Variants in PDK1 observed in about 807,000 individuals in gnomAD.
PDK1 encodes [Pyruvate dehydrogenase (acetyl-transferring)] kinase isozyme 1, mitochondrial.
Under a neutral mutation model 54.2 loss-of-function variants are expected in PDK1, and 39 were observed. The observed-to-expected ratio is 0.72, with a 90% CI of 0.56 to 0.94. The LOEUF is 0.94. Among genes scored for constraint, PDK1 ranks in the 40% least tolerant of loss-of-function variants. PDK1 has a pLI of 0.00. For missense variants in PDK1, 552 were observed against 566.0 expected, an observed-to-expected ratio of 0.98 and a Z score of 0.25; for synonymous variants, 221 against 207.1, an observed-to-expected ratio of 1.07 and a Z score of -0.58.
rs1688733273 is a variant in PDK1, at chr2:172,562,902, G to A, written c.410+611G>A. On this transcript the variant is annotated intron_variant, in intron 3 of 10. Coordinates refer to ENST00000282077, the MANE Select transcript of PDK1 (RefSeq NM_002610.5). The stretch of plus-strand genomic sequence containing the variant: ...CTTATTGCAGTGAAGGGTACTGAGA[G>A]TGTAATGACCATCTCTTGTCCTCAG... 4 of 1,049,494 alleles carry A rather than the reference G, an allele frequency of 3.8e-6. No homozygotes were observed. The East Asian group carries it at 1.0e-4, about 27-fold the overall frequency. The allele number at this position is 1,049,494 out of a possible 1,614,324, so 65.0% of individuals were successfully genotyped here. A position where few individuals can be genotyped will look rare whatever the true frequency, so the allele number is the denominator to read the frequency against.
chr2:172,673,580 G>A, the PDK1 span, among the ~76,000 whole-genome samples: 1 of 152,072 alleles, frequency 6.6e-6, no homozygotes, highest in Admixed American at 6.6e-5. Flanking sequence ...GTGTGCTGGG[G>A]GAGGGCCCTC....
At chr2:172,609,916 G>A (rs377679577), downstream of PDK1, among the ~76,000 whole-genome samples, 85 of 152,224 alleles carry the variant, frequency 5.6e-4, 1 homozygote, top group South Asian at 0.013. Context: ...CCGCCTCCTA[G>A]GTTCAAATGA....
the PDK1 span, among the ~76,000 whole-genome samples, chr2:172,696,095 CACA>C: frequency 6.8e-6 from 1 of 148,144 alleles, no homozygotes. Context: ...ATTCCTTGAA[CACA>C]GGAGCAGAGG....
intron 3 of PDK1, among the ~76,000 whole-genome samples, chr2:172,563,641 C>G (rs187612067): frequency 1.4e-3 from 207 of 152,302 alleles, no homozygotes; most frequent in Non-Finnish European, 2.1e-3. Context: ...CGAGACCAGC[C>G]TGACCAACAT....
the PDK1 span, among the ~76,000 whole-genome samples, chr2:172,704,363 C>T: frequency 6.6e-6 from 1 of 152,186 alleles, no homozygotes; most frequent in Non-Finnish European, 1.5e-5. Context: ...GGTTTTGTGA[C>T]AGTTGGGGTC....
the PDK1 span, among the ~76,000 whole-genome samples, chr2:172,681,635 A>G: frequency 6.6e-6 from 1 of 152,256 alleles, no homozygotes; most frequent in Non-Finnish European, 1.5e-5. Context: ...CGGAAGATAG[A>G]CAATACACAT....
chr2:172,558,241 T>C (rs1362934107), intron 1 of PDK1: 2 of 152,728 alleles, frequency 1.3e-5, no homozygotes, highest in African/African-American at 4.8e-5. Flanking sequence ...TACCACTGCA[T>C]TCGGACCAGC....
At chr2:172,653,052 G>C in the PDK1 span, among the ~76,000 whole-genome samples, 1 of 152,034 alleles carries the variant, frequency 6.6e-6, no homozygotes, top group Non-Finnish European at 1.5e-5. Context: ...GAGGCATCAC[G>C]CTACCTGACT....
intron 8 of PDK1, among the ~76,000 whole-genome samples, chr2:172,575,601 C>T (rs1689535353): frequency 6.6e-6 from 1 of 151,690 alleles, no homozygotes; most frequent in South Asian, 2.1e-4. Context: ...GCAGGTGGAT[C>T]ACCTGAGGTC....
At chr2:172,692,983 C>G in the PDK1 span, among the ~76,000 whole-genome samples, 2 of 152,220 alleles carry the variant, frequency 1.3e-5, no homozygotes, top group African/African-American at 4.8e-5. Context: ...ACAGTAATCA[C>G]TCTGTTTTCC....
At chr2:172,666,173 A>T in the PDK1 span, among the ~76,000 whole-genome samples, 1 of 152,172 alleles carries the variant, frequency 6.6e-6, no homozygotes, top group South Asian at 2.1e-4. Flanking sequence ...CATTGACAAG[A>T]TTATCATTTC....
the PDK1 span, among the ~76,000 whole-genome samples, chr2:172,619,671 T>C: frequency 2.5e-4 from 38 of 152,184 alleles, no homozygotes; most frequent in Non-Finnish European, 1.2e-4. Context: ...CTCGCCACAA[T>C]TACACCCAAG....
chr2:172,668,872 T>C, the PDK1 span, among the ~76,000 whole-genome samples: 308 of 111,622 alleles, frequency 2.8e-3, 1 homozygote, highest in Middle Eastern at 4.8e-3. Context: ...TGTATGTATG[T>C]ACACACACAC....
chr2:172,671,207 G>A, the PDK1 span, among the ~76,000 whole-genome samples: 4 of 150,548 alleles, frequency 2.7e-5, no homozygotes, highest in East Asian at 1.9e-4. Flanking sequence ...CTTGTTTTGC[G>A]TCATCCTAGT....
chr2:172,632,980 CAAA>C, the PDK1 span, among the ~76,000 whole-genome samples: 1 of 75,464 alleles, frequency 1.3e-5, no homozygotes, highest in Admixed American at 1.8e-4. Flanking sequence ...GATTCTGTCT[CAAA>C]AAAAAAAAAA....
the PDK1 span, among the ~76,000 whole-genome samples, chr2:172,722,110 A>G: frequency 2.0e-5 from 3 of 152,234 alleles, no homozygotes; most frequent in African/African-American, 7.2e-5. Context: ...TCCTTCCCTT[A>G]CCACCAGGTG....
At chr2:172,572,954 T>G (rs1207816873) in intron 8 of PDK1, among the ~76,000 whole-genome samples, 1 of 152,230 alleles carries the variant, frequency 6.6e-6, no homozygotes, top group Non-Finnish European at 1.5e-5. Flanking sequence ...CCAAATGATA[T>G]TCTGTTATAT....
At chr2:172,587,289 G>A (rs1419484996) in intron 9 of PDK1, among the ~76,000 whole-genome samples, 1 of 152,176 alleles carries the variant, frequency 6.6e-6, no homozygotes, top group African/African-American at 2.4e-5. Flanking sequence ...GTGAGTTCCT[G>A]GTTTTGCTGG....
At chr2:172,704,476 C>G in the PDK1 span, among the ~76,000 whole-genome samples, 4 of 152,150 alleles carry the variant, frequency 2.6e-5, no homozygotes, top group East Asian at 7.7e-4. Flanking sequence ...CAGGGAATGC[C>G]AAGGTTTACA....
Sources: gnomAD v4.1 joint callset for allele counts (sites outside exome capture counted in the v4.1 genomes callset) on GRCh38, gnomAD v4.1.1 for gene constraint, MANE v1.5 for transcripts, NCBI Gene and HGNC (gene_info 2026-07-23, HGNC 2026-07-21) for gene names.